The following CELF2 variants were observed in gnomAD, a reference collection of about 807,000 sequenced individuals.
CELF2 encodes the protein CUGBP Elav-like family member 2, also known as CUG triplet repeat RNA-binding protein 2.
Under a neutral mutation model 62.6 loss-of-function variants are expected in CELF2, and 8 were observed. The ratio of observed to expected loss-of-function variants is 0.13; its 90% CI spans 0.07 to 0.23. The LOEUF (loss-of-function observed/expected upper bound fraction) is 0.23. Ranked by LOEUF, CELF2 falls within the 10% of genes least tolerant of loss-of-function variation. The pLI, the probability that CELF2 is intolerant of heterozygous loss-of-function variation, is 1.00. For synonymous variants in CELF2, 258 were observed against 250.0 expected, an observed-to-expected ratio of 1.03 and a Z score of -0.30; for missense variants, 333 against 671.0, an observed-to-expected ratio of 0.50 and a Z score of 5.56.
In CELF2 at chr10:11,017,888, C is replaced by G. The variant is rs1416304408; in HGVS notation, c.-202C>G. 18 of 947,762 alleles carry G rather than the reference C, an allele frequency of 1.9e-5. No homozygotes were observed. The highest frequency in any genetic ancestry group is 2.3e-5 in the Non-Finnish European group (18 of 797,838). 58.7% of individuals were successfully genotyped at this position (947,762 alleles called of 1,614,324 possible). A position where few individuals can be genotyped will look rare whatever the true frequency, so the allele number is the denominator to read the frequency against. On this transcript the variant is annotated 5_prime_UTR_variant, in exon 1 of 13. Coordinates refer to ENST00000633077, the MANE Select transcript of CELF2 (RefSeq NM_001326342.2). The surrounding 1 kb of genome is among the most constrained non-coding windows in gnomAD (Gnocchi z 5.5). ...GCGAGCTCCGCCCCCGCCCGCCGCA[C>G]CTGGCGCTCGGCAGCCGGCCGCCCC...
rs762751588 is a variant in CELF2, at chr10:11,285,190, T to G, written c.842-3228T>G. Among the ~76,000 whole-genome samples the G allele has an allele frequency of 4.6e-5, 7 of 151,996 alleles. No individual in the cohort carries two copies. Among genetic ancestry groups the G allele is most frequent in the Non-Finnish European group, 1.0e-4 (7 of 67,962 alleles). ...ATGGACGAGCAAATATGGATCCGCC[T>G]CCTTGATTGGTTCTGACTAACTCTT... On this transcript the variant is annotated intron_variant, in intron 8 of 12. Coordinates refer to ENST00000633077, the MANE Select transcript of CELF2 (RefSeq NM_001326342.2). The surrounding 1 kb of genome is among the most constrained non-coding windows in gnomAD (Gnocchi z 4.3).
In CELF2 at chr10:11,217,650, G is replaced by C; in HGVS notation, c.354+143G>C. 5.4e-6 allele frequency: 3 copies of C among 559,208 alleles called. No homozygotes were observed. 34.6% of individuals were successfully genotyped at this position (559,208 alleles called of 1,614,324 possible). ...TGTGCTGACCCCCCAGTTCCCTGCA[G>C]CAGCCACACCAGCTGGCCAGCCCAT... On this transcript the variant is annotated intron_variant, in intron 3 of 12. Transcript: ENST00000633077. This position sits in a 1 kb window ranked among gnomAD's most constrained non-coding sequence, Gnocchi z 5.6.
At chr10:10,556,571 T>C in the CELF2 span, among the ~76,000 whole-genome samples, 1 of 152,172 alleles carries the variant, frequency 6.6e-6, no homozygotes, top group Non-Finnish European at 1.5e-5. Flanking sequence ...CTGGGTCAAA[T>C]GGTATTTCTA....
chr10:10,481,784 G>A, the CELF2 span, among the ~76,000 whole-genome samples: 3 of 152,124 alleles, frequency 2.0e-5, no homozygotes, highest in African/African-American at 4.8e-5. Flanking sequence ...ACTCAATTCT[G>A]TAGTTTGAGG....
the CELF2 span, among the ~76,000 whole-genome samples, chr10:10,621,604 C>T: frequency 1.3e-5 from 2 of 152,154 alleles, no homozygotes; most frequent in Admixed American, 6.5e-5. Context: ...TACCATGGTG[C>T]CTAGCACATA....
chr10:10,611,344 G>A, the CELF2 span, among the ~76,000 whole-genome samples: 3 of 152,168 alleles, frequency 2.0e-5, no homozygotes, highest in East Asian at 1.9e-4. Context: ...CTTACTTTAC[G>A]AAAATTTTGT....
intron 2 of CELF2, among the ~76,000 whole-genome samples, chr10:11,202,141 G>A (rs2059357311): frequency 6.6e-6 from 1 of 152,148 alleles, no homozygotes; most frequent in Admixed American, 6.5e-5. Flanking sequence ...GACAGATGGT[G>A]ATTCTATGGT....
In CELF2 at chr10:11,332,454, T is replaced by TGGG. The variant is rs2096045915; in HGVS notation, c.*3401_*3402insGGG. 6.6e-6 allele frequency: 1 copy of TGGG among 152,370 alleles called. No individual in the cohort carries two copies. Among genetic ancestry groups the TGGG allele is most frequent in the African/African-American group, 2.4e-5 (1 of 41,406 alleles). 9.4% of individuals were successfully genotyped at this position (152,370 alleles called of 1,614,324 possible). A position where few individuals can be genotyped will look rare whatever the true frequency, so the allele number is the denominator to read the frequency against. On this transcript the variant is annotated 3_prime_UTR_variant, in exon 13 of 13. Coordinates refer to ENST00000633077, the MANE Select transcript of CELF2 (RefSeq NM_001326342.2). ...TTTGGTTTTTTTAATTGAACACATTTCATCTAAGTAAAGCTCAGTTCTTTA... is the reference window on the plus strand; with the variant it reads ...TTTGGTTTTTTTAATTGAACACATTTGGGCATCTAAGTAAAGCTCAGTTCTTTA...
At chr10:10,752,688 C>CAAAAAAAAAAAAAAAAAAAAAAAAA in the CELF2 span, among the ~76,000 whole-genome samples, 1 of 58,980 alleles carries the variant, frequency 1.7e-5, no homozygotes, top group Non-Finnish European at 3.2e-5. Flanking sequence ...GACTCCGTCT[C>CAAAAAAAAAAAAAAAAAAAAAAAAA]AAAAAAAAAA....
chr10:11,323,364 A>G (rs1380595826), intron 11 of CELF2, among the ~76,000 whole-genome samples: 1 of 151,504 alleles, frequency 6.6e-6, no homozygotes, highest in African/African-American at 2.4e-5. Context: ...AATTTAAACC[A>G]TCTTCTTATT....
intron 2 of CELF2, among the ~76,000 whole-genome samples, chr10:10,985,948 C>T (rs1181094006): frequency 2.0e-5 from 3 of 152,162 alleles, no homozygotes; most frequent in Non-Finnish European, 4.4e-5. Flanking sequence ...CTTTTCTCAT[C>T]CCTAGGAAAT....
intron 5 of CELF2, among the ~76,000 whole-genome samples, chr10:11,259,826 C>T (rs909122671): frequency 6.6e-6 from 1 of 152,220 alleles, no homozygotes; most frequent in Non-Finnish European, 1.5e-5. Flanking sequence ...TGGGAAAAGA[C>T]AGTGTGGCTA....
At chr10:10,822,606 A>C (rs987756993) in intron 1 of CELF2, among the ~76,000 whole-genome samples, 1 of 152,220 alleles carries the variant, frequency 6.6e-6, no homozygotes, top group South Asian at 2.1e-4. Flanking sequence ...TGGGGAAAAG[A>C]TGTCTTTTTA....
chr10:10,760,262 ACCTCT>A, the CELF2 span, among the ~76,000 whole-genome samples: 1 of 151,710 alleles, frequency 6.6e-6, no homozygotes, highest in Admixed American at 6.6e-5. Context: ...GTACATCTAG[ACCTCT>A]CTGTCCTACC....
chr10:10,587,971 G>A, the CELF2 span, among the ~76,000 whole-genome samples: 6 of 151,624 alleles, frequency 4.0e-5, no homozygotes, highest in Admixed American at 1.3e-4. Flanking sequence ...CTCCCCCTCC[G>A]CCCACTCACC....
At chr10:11,249,086 G>A (rs2076408801) in intron 3 of CELF2, 67 bp from the exon 4 acceptor site, 6 of 1,274,614 alleles carry the variant, frequency 4.7e-6, no homozygotes, top group South Asian at 1.2e-5. Context: ...TCGAATTGCT[G>A]CAGATTTCTG....
the CELF2 span, among the ~76,000 whole-genome samples, chr10:10,510,346 T>C: frequency 6.6e-6 from 1 of 152,230 alleles, no homozygotes; most frequent in Non-Finnish European, 1.5e-5. Context: ...TTCCTAGTAA[T>C]AGGAGCATTT....
At chr10:10,743,523 T>G in the CELF2 span, among the ~76,000 whole-genome samples, 1 of 152,240 alleles carries the variant, frequency 6.6e-6, no homozygotes, top group Non-Finnish European at 1.5e-5. Context: ...CAAACTCATA[T>G]TTGAGGATTC....
intron 1 of CELF2, among the ~76,000 whole-genome samples, chr10:10,890,236 T>G (rs1262988671): frequency 6.6e-6 from 1 of 152,184 alleles, no homozygotes. Context: ...CTTTCTGGAA[T>G]CAGGGGTATT....
Sources: allele counts gnomAD v4.1 joint callset (sites outside exome capture counted in the v4.1 genomes callset), GRCh38; gene constraint gnomAD v4.1.1; non-coding constraint Gnocchi (gnomAD v3.1); transcripts MANE v1.5; gene names NCBI Gene and HGNC (gene_info 2026-07-23, HGNC 2026-07-21).